MAN2B2: variants seen among roughly 807,000 people sequenced by gnomAD.
The protein encoded by MAN2B2 is epididymis-specific alpha-mannosidase.
A neutral mutation model predicts 117.1 loss-of-function variants in MAN2B2; 106 were observed. The ratio of observed to expected loss-of-function variants is 0.90; its 90% CI spans 0.77 to 1.06. The LOEUF (loss-of-function observed/expected upper bound fraction) is 1.06, where lower values mean the gene tolerates loss of function less well. Among genes scored for constraint, MAN2B2 ranks in the 50% least tolerant of loss-of-function variants. The pLI is 0.00. For synonymous variants in MAN2B2, 544 were observed against 595.1 expected (o/e 0.91, Z 1.25); for missense variants, 1,326 against 1,381.4 (o/e 0.96, Z 0.64).
intron 2 of MAN2B2, 134 bp downstream of exon 2, chr4:6,576,858 A>G (rs992080829): frequency 1.9e-5 from 18 of 936,780 alleles, no homozygotes; most frequent in Non-Finnish European, 2.9e-5. Flanking sequence ...CCACCGGGCT[A>G]TTCACAGCCT....
At chr4:6,607,502 A>G (rs760495411) in intron 11 of MAN2B2, among the ~76,000 whole-genome samples, 6 of 152,124 alleles carry the variant, frequency 3.9e-5, no homozygotes, top group Non-Finnish European at 8.8e-5. Context: ...ACCATGCCCA[A>G]CCCACAACCC....
At position 6,597,222 on chromosome 4, in the gene MAN2B2, C is replaced by A; in HGVS notation, c.1167C>A (p.Tyr389Ter). The A allele has an allele frequency of 6.2e-7, 1 of 1,608,472 alleles. No individual in the cohort carries two copies. ...CCGGGGAGTCCATGTTCACACGCTA[C>A]CTGTGGCCGGCCCCCCGTGGGCATC... ...LYAGESMFTR[Y>*]LWPAPRGHLD... Residue 389 changes from tyrosine (Y) to a stop codon, truncating the protein, a stop_gained, in exon 8 of 19, where the codon TAC becomes TAA. Transcript: ENST00000285599. LOFTEE classifies it high-confidence loss of function.
At chr4:6,614,124 C>A in intron 15 of MAN2B2, 94 bp from the exon 16 acceptor site, 1 of 1,468,432 alleles carries the variant, frequency 6.8e-7, no homozygotes, top group South Asian at 1.3e-5. Flanking sequence ...AAGTGGCTGG[C>A]AGGGGCAGGG....
intron 4 of MAN2B2, among the ~76,000 whole-genome samples, chr4:6,587,567 G>A (rs78327537): frequency 1.3e-5 from 2 of 152,162 alleles, no homozygotes; most frequent in Admixed American, 6.5e-5. Flanking sequence ...GAGACGCTGT[G>A]ATTCTTCAGG....
At chr4:6,609,768 T>G (rs766274688) in intron 12 of MAN2B2, 30 bp from the exon 13 acceptor site, 56 of 1,578,688 alleles carry the variant, frequency 3.5e-5, no homozygotes, top group Non-Finnish European at 4.2e-5. Context: ...TTCCTGGAGC[T>G]TCACTTACTG....
chr4:6,578,567 A>AC, intron 3 of MAN2B2, 69 bp downstream of exon 3: 1 of 1,330,800 alleles, frequency 7.5e-7, no homozygotes, highest in South Asian at 1.2e-5. Flanking sequence ...TGGTATCAGA[A>AC]CCCCCAGGTT....
chr4:6,587,135 C>T lies in MAN2B2; in HGVS notation c.531C>T (p.Asp177=), dbSNP rs764903107. The change falls in exon 4 of 19, where the codon GAC becomes GAT. Residue 177 remains aspartate, a synonymous_variant. Transcript: ENST00000285599. The stretch of plus-strand genomic sequence containing the variant: ...ATGCCCACCTCGGCTCCCGGATCGA[C>T]TACGACCTGAAGGCAGCCATGCAGG... The part of the protein sequence containing the change: ...GFNAHLGSRI[D]YDLKAAMQEA... The T allele has an allele frequency of 6.2e-7, 1 of 1,613,716 alleles. No individual in the cohort carries two copies. Among genetic ancestry groups the T allele is most frequent in the South Asian group, 1.1e-5 (1 of 91,076 alleles).
chr4:6,579,288 A>AC (rs1726293539), intron 3 of MAN2B2, among the ~76,000 whole-genome samples: 1 of 108,024 alleles, frequency 9.3e-6, no homozygotes, highest in African/African-American at 3.5e-5. Flanking sequence ...CACCATCACC[A>AC]TCACCACCAC....
intron 6 of MAN2B2, 108 bp downstream of exon 6, chr4:6,593,458 A>G: frequency 8.7e-7 from 1 of 1,150,026 alleles, no homozygotes; most frequent in Non-Finnish European, 1.2e-6. Flanking sequence ...CTAGGCAGCC[A>G]TGCTCAGCCC....
chr4:6,577,649 G>A (rs774572250), intron 2 of MAN2B2, among the ~76,000 whole-genome samples: 5 of 152,246 alleles, frequency 3.3e-5, no homozygotes, highest in Non-Finnish European at 5.9e-5. Context: ...TCTGAGCCAG[G>A]CATGCCTGAC....
At chr4:6,589,550 A>G (rs1254034180) in intron 5 of MAN2B2, among the ~76,000 whole-genome samples, 1 of 152,118 alleles carries the variant, frequency 6.6e-6, no homozygotes, top group East Asian at 1.9e-4. Flanking sequence ...CCTATTCTGC[A>G]GTTTTTGACA....
At chr4:6,587,746 T>G (rs935033446) in intron 4 of MAN2B2, among the ~76,000 whole-genome samples, 15 of 130,810 alleles carry the variant, frequency 1.1e-4, no homozygotes, top group Non-Finnish European at 2.2e-4. Context: ...TCTTTTGGGT[T>G]GTTGTTTTTT....
At chr4:6,618,253 T>TG (rs1414879037) in intron 17 of MAN2B2, 1 of 152,288 alleles carries the variant, frequency 6.6e-6, no homozygotes. Context: ...CCTGAAGTGC[T>TG]GGGATTACAG....
chr4:6,587,327 G>T (rs1385813876), intron 4 of MAN2B2, among the ~76,000 whole-genome samples, 159 bp downstream of exon 4: 1 of 152,112 alleles, frequency 6.6e-6, no homozygotes, highest in Non-Finnish European at 1.5e-5. Context: ...TGCTCTTGTC[G>T]CCTCCTCCAC....
In MAN2B2 at chr4:6,605,118, C is replaced by G. The variant is rs78380517; in HGVS notation, c.1603C>G (p.Leu535Val). 284 of 1,614,094 alleles carry G rather than the reference C, an allele frequency of 1.8e-4. 2 individuals carry two copies. In the East Asian group the frequency reaches 6.2e-3, roughly 35 times the overall value. Residue 535 changes from leucine (L) to valine (V), a missense_variant, in exon 11 of 19, where the codon CTC becomes GTC. Physicochemically the swap from Leu to Val is conservative, Grantham distance 32 (BLOSUM62 1). Coordinates refer to ENST00000285599, the MANE Select transcript of MAN2B2 (RefSeq NM_015274.3). ...DLLILTTIPG[L>V]SYRHYNIRPT... ...GCTTATTCTGACCACAATCCCAGGC[C>G]TCAGTTACCGGCACTACAACATCAG...
rs932453271 is a variant in MAN2B2, at chr4:6,609,612, G to A, written c.2007-186G>A. 8.3e-6 allele frequency: 6 copies of A among 724,070 alleles called. No homozygotes were observed. The Admixed American group carries it at 1.7e-4, about 20-fold the overall frequency. 44.9% of individuals were successfully genotyped at this position (724,070 alleles called of 1,614,324 possible). On this transcript the variant is annotated intron_variant, in intron 12 of 18. Transcript: ENST00000285599. ...CGGCATGGCAGCCCTGCGGTGTCGG[G>A]GAACCAGGCTGCTCCCAGCCGCTCG...
At chr4:6,605,598 A>G (rs1400378607) in intron 11 of MAN2B2, among the ~76,000 whole-genome samples, 2 of 152,068 alleles carry the variant, frequency 1.3e-5, no homozygotes, top group Non-Finnish European at 2.9e-5. Context: ...AAAAATTACC[A>G]CTTTTTTTTT....
At position 6,575,223 on chromosome 4, in the gene MAN2B2, TGCTG is replaced by T. The variant is rs774645601; in HGVS notation, c.18_21del (p.Trp6CysfsTer113). ...GCCTGCCGCAGGGATGGGGCAGCTG[TGCTG>T]GCTGCCGCTGCTGGCACCGCTCCTG... On this transcript the variant is annotated frameshift_variant, in exon 1 of 19. Transcript: ENST00000285599. LOFTEE classifies it high-confidence loss of function. 1 of 1,516,112 alleles carries T rather than the reference TGCTG, an allele frequency of 6.6e-7. No individual in the cohort carries two copies. Among genetic ancestry groups the T allele is most frequent in the South Asian group, 1.2e-5 (1 of 83,662 alleles). The allele number at this position is 1,516,112 out of a possible 1,614,324, so 93.9% of individuals were successfully genotyped here. A position where few individuals can be genotyped will look rare whatever the true frequency, so the allele number is the denominator to read the frequency against.
At position 6,611,099 on chromosome 4, in the gene MAN2B2, G is replaced by T. The variant is rs373260550; in HGVS notation, c.2384G>T (p.Arg795Leu). 3 of 1,613,258 alleles carry T rather than the reference G, an allele frequency of 1.9e-6. No individual in the cohort carries two copies. The highest frequency in any genetic ancestry group is 1.7e-6 in the Non-Finnish European group (2 of 1,179,548). ...GCCTTCCCGCAGGTCATGCTCCACC[G>T]GCGGCTGTGGAACAACTTCGACTGG... The part of the protein sequence containing the change: ...GNGQVEVMLH[R>L]RLWNNFDWDL... Residue 795 changes from arginine (R) to leucine (L), a missense_variant, in exon 15 of 19, where the codon CGG becomes CTG. Coordinates refer to ENST00000285599, the MANE Select transcript of MAN2B2 (RefSeq NM_015274.3).
Sources: gnomAD v4.1 joint callset for allele counts (sites outside exome capture counted in the v4.1 genomes callset) on GRCh38, gnomAD v4.1.1 for gene constraint, MANE v1.5 for transcripts, NCBI Gene and HGNC (gene_info 2026-07-23, HGNC 2026-07-21) for gene names.